Variants in RP1 observed in about 807,000 individuals in gnomAD.
RP1 encodes the protein RP1 axonemal microtubule associated.
RP1 carries 16 observed loss-of-function variants against 14.8 expected under a neutral mutation model. The observed-to-expected ratio is 1.08, with a 90% confidence interval of 0.73 to 1.65. RP1 has a LOEUF of 1.65. Ranked by LOEUF, RP1 falls within the 40% of genes most tolerant of loss-of-function variation. The probability of loss-of-function intolerance (pLI) is 0.00; values close to 1 mark genes in which losing one functional copy is unlikely to be tolerated. For missense variants in RP1, 2,631 were observed against 2,535.0 expected (o/e 1.04, Z -0.81); for synonymous variants, 876 against 883.6 (o/e 0.99, Z 0.15).
intron 12 of RP1, chr8:54,680,057 G>T (rs1807392456): frequency 8.0e-7 from 1 of 1,254,762 alleles, no homozygotes; most frequent in African/African-American, 1.5e-5. Context: ...CAAGTGTTAG[G>T]CCATTTAAAT....
exon 6 of RP1, chr8:54,656,215 G>A (rs1301792766): frequency 1.3e-6 from 2 of 1,533,668 alleles, no homozygotes; most frequent in Admixed American, 4.0e-5. Flanking sequence ...TGTCCTTCCA[G>A]GTAGGAAAGA....
At chr8:54,717,008 C>G (rs995909551) in intron 15 of RP1, among the ~76,000 whole-genome samples, 2 of 152,074 alleles carry the variant, frequency 1.3e-5, no homozygotes, top group Non-Finnish European at 2.9e-5. Context: ...TCATTTGTCC[C>G]AGGCCCCTCC....
At chr8:54,770,126 T>A, downstream of RP1, 1 of 403,328 alleles carries the variant, frequency 2.5e-6, no homozygotes, top group Non-Finnish European at 4.4e-6. Context: ...TTTGCAGAAA[T>A]GCAAATAAAT....
At chr8:54,784,966 G>A (rs1246343186) in intron 24 of RP1, among the ~76,000 whole-genome samples, 1 of 151,616 alleles carries the variant, frequency 6.6e-6, no homozygotes, top group Non-Finnish European at 1.5e-5. Context: ...ACACATAATT[G>A]TATATATTTA....
chr8:54,831,962 C>T (rs1460274652), intron 24 of RP1, among the ~76,000 whole-genome samples: 1 of 151,754 alleles, frequency 6.6e-6, no homozygotes, highest in Admixed American at 6.6e-5. Flanking sequence ...GTTCTTAGAA[C>T]TTAAAAGATG....
rs941051589 is a variant in RP1, at chr8:54,678,420, A to G, written c.1403-41A>G. 3.5e-5 allele frequency: 51 copies of G among 1,476,260 alleles called. No homozygotes were observed. The African/African-American group carries it at 6.3e-4, about 18-fold the overall frequency. 91.4% of individuals were successfully genotyped at this position (1,476,260 alleles called of 1,614,324 possible). Reference sequence around the variant, plus strand: ...AAAACTTGAAGTATTATTAGGCCATATTTATTCATATCACATTTTCATTCT... The same window carrying G: ...AAAACTTGAAGTATTATTAGGCCATGTTTATTCATATCACATTTTCATTCT... On this transcript the variant is annotated intron_variant, in intron 8 of 22. Transcript: ENST00000636932.
At chr8:54,633,180 A>G (rs1326884139), downstream of RP1, among the ~76,000 whole-genome samples, 1 of 152,174 alleles carries the variant, frequency 6.6e-6, no homozygotes, top group Non-Finnish European at 1.5e-5. Context: ...AGCAGTGTTC[A>G]GAATTAAAAT....
intron 1 of RP1, among the ~76,000 whole-genome samples, chr8:54,574,596 G>A (rs1397625490): frequency 2.0e-5 from 3 of 152,106 alleles, no homozygotes; most frequent in African/African-American, 4.8e-5. Flanking sequence ...TTCCATTCCA[G>A]GGATTCCAAA....
chr8:54,786,541 C>A (rs563952595), intron 24 of RP1, among the ~76,000 whole-genome samples: 10 of 152,114 alleles, frequency 6.6e-5, no homozygotes, highest in Non-Finnish European at 7.4e-5. Context: ...GAGAGCAGAT[C>A]AAAGTACTTA....
At chr8:54,735,470 T>C (rs1808895957) in intron 18 of RP1, among the ~76,000 whole-genome samples, 2 of 152,158 alleles carry the variant, frequency 1.3e-5, no homozygotes, top group Admixed American at 1.3e-4. Context: ...TCATTTTCTC[T>C]GGAGGGTATT....
At chr8:54,669,056 A>C (rs531772527) in intron 7 of RP1, among the ~76,000 whole-genome samples, 1 of 152,328 alleles carries the variant, frequency 6.6e-6, no homozygotes, top group Non-Finnish European at 1.5e-5. Flanking sequence ...GAGCTTCTGC[A>C]CAGCAGAAGG....
chr8:54,770,524 G>A (rs1373246939), downstream of RP1, among the ~76,000 whole-genome samples: 2 of 150,422 alleles, frequency 1.3e-5, no homozygotes, highest in East Asian at 3.9e-4. Flanking sequence ...ATTTAAAAGT[G>A]TGGTTACTTT....
chr8:54,608,473 C>A (rs190956474), intron 1 of RP1, among the ~76,000 whole-genome samples: 16 of 151,722 alleles, frequency 1.1e-4, no homozygotes, highest in African/African-American at 3.6e-4. Context: ...ATGACTTGGC[C>A]GAAAGAATAG....
At chr8:54,836,765 T>C (rs987411739) in intron 24 of RP1, among the ~76,000 whole-genome samples, 9 of 152,134 alleles carry the variant, frequency 5.9e-5, no homozygotes, top group Non-Finnish European at 1.2e-4. Context: ...ACTCATGGAA[T>C]TGGAAGACAA....
intron 24 of RP1, among the ~76,000 whole-genome samples, chr8:54,835,545 A>G (rs550236140): frequency 6.6e-6 from 1 of 152,164 alleles, no homozygotes; most frequent in South Asian, 2.1e-4. Flanking sequence ...TCCTGTCTTT[A>G]GATTAGATAT....
chr8:54,581,872 G>A (rs1804800484), intron 1 of RP1, among the ~76,000 whole-genome samples: 3 of 152,062 alleles, frequency 2.0e-5, no homozygotes, highest in Admixed American at 2.0e-4. Context: ...TTGTACATTT[G>A]TTTGAGTTCA....
chr8:54,659,281 T>G (rs1806827537), intron 6 of RP1, among the ~76,000 whole-genome samples: 1 of 152,204 alleles, frequency 6.6e-6, no homozygotes, highest in Non-Finnish European at 1.5e-5. Context: ...TGGTGTCATA[T>G]TCAAGAAATA....
At position 54,628,418 on chromosome 8, in the gene RP1, G is replaced by C. The variant is rs752606944; in HGVS notation, c.4536G>C (p.Lys1512Asn). Residue 1512 changes from lysine to asparagine, a missense_variant, in exon 4 of 4, where the codon AAG becomes AAC. Lys to Asn is a moderately conservative substitution (Grantham distance 94). Transcript: ENST00000220676. ...TAGAATTGATAGACATCTCTAGTAA[G>C]AATATTATGGAAGAAAAAAGAATGA... Reference protein sequence around the residue: ...KTLELIDISSKNIMEEKRMNG... With the variant: ...KTLELIDISSNNIMEEKRMNG... 2.5e-6 allele frequency: 4 copies of C among 1,613,180 alleles called. No individual in the cohort carries two copies. The African/African-American group carries it at 5.3e-5, about 22-fold the overall frequency.
At chr8:54,792,393 C>T (rs930912506) in intron 24 of RP1, among the ~76,000 whole-genome samples, 1 of 151,800 alleles carries the variant, frequency 6.6e-6, no homozygotes, top group Non-Finnish European at 1.5e-5. Flanking sequence ...ACATTTCATC[C>T]AACAACAGAA....
Sources: gnomAD v4.1 joint callset for allele counts (sites outside exome capture counted in the v4.1 genomes callset) on GRCh38, gnomAD v4.1.1 for gene constraint, MANE v1.5 for transcripts, NCBI Gene and HGNC (gene_info 2026-07-23, HGNC 2026-07-21) for gene names.